Variants in GAREM1 observed in about 807,000 individuals in gnomAD.
GAREM1 encodes the protein GRB2-associated and regulator of MAPK protein 1.
In GAREM1, 26 loss-of-function variants were observed where a neutral mutation model predicts 71.3. The ratio of observed to expected loss-of-function variants is 0.36; its 90% CI spans 0.27 to 0.51. The LOEUF (loss-of-function observed/expected upper bound fraction) is 0.51. GAREM1 is among the 20% of genes least tolerant of loss of function. The probability of loss-of-function intolerance (pLI) is 0.95; values close to 1 mark genes in which losing one functional copy is unlikely to be tolerated. For missense variants in GAREM1, 1,026 were observed against 1,103.1 expected, an observed-to-expected ratio of 0.93 and a Z score of 0.99; for synonymous variants, 440 against 433.2, an observed-to-expected ratio of 1.02 and a Z score of -0.20.
At chr18:32,334,476 A>G (rs2047569095) in intron 2 of GAREM1, among the ~76,000 whole-genome samples, 1 of 152,212 alleles carries the variant, frequency 6.6e-6, no homozygotes, top group Admixed American at 6.5e-5. Flanking sequence ...GACAAGCGAA[A>G]GCCAGGAGGG....
chr18:32,411,788 G>A (rs1186951022), intron 1 of GAREM1, among the ~76,000 whole-genome samples: 1 of 151,724 alleles, frequency 6.6e-6, no homozygotes, highest in African/African-American at 2.4e-5. Context: ...AATAGAACCT[G>A]GCATCACCCT....
At chr18:32,403,637 C>A (rs1177713396) in intron 1 of GAREM1, among the ~76,000 whole-genome samples, 4 of 151,948 alleles carry the variant, frequency 2.6e-5, no homozygotes, top group African/African-American at 9.7e-5. Flanking sequence ...GTGCAGTGGT[C>A]CAATCACAAC....
intron 1 of GAREM1, among the ~76,000 whole-genome samples, chr18:32,429,410 C>T (rs1190681553): frequency 6.6e-6 from 1 of 152,192 alleles, no homozygotes; most frequent in Non-Finnish European, 1.5e-5. Flanking sequence ...ACAACTTCAG[C>T]ATTCTGGGTA....
At chr18:32,456,378 G>A (rs1031674289) in intron 1 of GAREM1, among the ~76,000 whole-genome samples, 9 of 152,016 alleles carry the variant, frequency 5.9e-5, no homozygotes, top group Non-Finnish European at 1.0e-4. Context: ...GCAAATTAAC[G>A]CAGCAATAAG....
At chr18:32,417,959 G>A (rs1453450182) in intron 1 of GAREM1, among the ~76,000 whole-genome samples, 1 of 152,064 alleles carries the variant, frequency 6.6e-6, no homozygotes, top group Non-Finnish European at 1.5e-5. Context: ...CTGCATGCCT[G>A]TACCAAAATA....
chr18:32,470,455 T>C lies in GAREM1; in HGVS notation c.-27A>G, dbSNP rs887611122. On this transcript the variant is annotated 5_prime_UTR_variant, in exon 1 of 6. Transcript: ENST00000269209. The surrounding 1 kb of genome is among the most constrained non-coding windows in gnomAD (Gnocchi z 4.4). Reference sequence around the variant, plus strand: ...TTCCCCGAAGCCTCCTGTCCCGCGCTCCCCCGCCGCCGCCACCGGCACCAC... The same window carrying C: ...TTCCCCGAAGCCTCCTGTCCCGCGCCCCCCCGCCGCCGCCACCGGCACCAC... 1 of 1,305,052 alleles carries C rather than the reference T, an allele frequency of 7.7e-7. No homozygotes were observed. The allele number at this position is 1,305,052 out of a possible 1,614,324, so 80.8% of individuals were successfully genotyped here. A position where few individuals can be genotyped will look rare whatever the true frequency, so the allele number is the denominator to read the frequency against.
intron 1 of GAREM1, among the ~76,000 whole-genome samples, chr18:32,431,583 A>G (rs1393773280): frequency 1.3e-5 from 2 of 152,136 alleles, no homozygotes; most frequent in Non-Finnish European, 2.9e-5. Flanking sequence ...AGCCGAGATC[A>G]CGCCACTGCA....
intron 4 of GAREM1, among the ~76,000 whole-genome samples, chr18:32,276,413 A>G (rs144871436): frequency 1.3e-5 from 2 of 152,334 alleles, no homozygotes; most frequent in Non-Finnish European, 2.9e-5. Flanking sequence ...TCATTGAGTT[A>G]GTGTTGAGTA....
chr18:32,375,906 G>A (rs2048026172), intron 2 of GAREM1, among the ~76,000 whole-genome samples: 1 of 152,186 alleles, frequency 6.6e-6, no homozygotes, highest in South Asian at 2.1e-4. Flanking sequence ...AATCTCCACT[G>A]CTATAATCAC....
intron 3 of GAREM1, among the ~76,000 whole-genome samples, chr18:32,300,270 T>A (rs942744573): frequency 1.3e-5 from 2 of 152,206 alleles, no homozygotes; most frequent in Admixed American, 1.3e-4. Flanking sequence ...GGTCTCTCTG[T>A]CATTATTATA....
At chr18:32,372,421 C>T (rs999599110) in intron 2 of GAREM1, among the ~76,000 whole-genome samples, 3 of 152,212 alleles carry the variant, frequency 2.0e-5, no homozygotes, top group African/African-American at 7.2e-5. Flanking sequence ...GAAACAGACA[C>T]ACCCAATCCT....
chr18:32,358,327 A>G (rs1269867748), intron 2 of GAREM1, among the ~76,000 whole-genome samples: 1 of 151,950 alleles, frequency 6.6e-6, no homozygotes, highest in African/African-American at 2.4e-5. Flanking sequence ...GACATAGCTC[A>G]TTACAGGAGG....
At chr18:32,356,358 A>AC (rs537042676) in intron 2 of GAREM1, among the ~76,000 whole-genome samples, 2 of 152,196 alleles carry the variant, frequency 1.3e-5, no homozygotes, top group South Asian at 4.1e-4. Context: ...GAAATTATTC[A>AC]CATTTTACTG....
intron 4 of GAREM1, among the ~76,000 whole-genome samples, chr18:32,271,731 G>A (rs530795192): frequency 3.3e-4 from 50 of 152,190 alleles, no homozygotes; most frequent in African/African-American, 1.1e-3. Context: ...CATTTCCTTC[G>A]TCTTCACACT....
At chr18:32,445,144 C>T (rs1044010900) in intron 1 of GAREM1, among the ~76,000 whole-genome samples, 1 of 152,112 alleles carries the variant, frequency 6.6e-6, no homozygotes, top group Admixed American at 6.6e-5. Flanking sequence ...AACCCCTGAC[C>T]TCATCATCTT....
intron 1 of GAREM1, among the ~76,000 whole-genome samples, chr18:32,418,270 G>A (rs1387515957): frequency 6.6e-6 from 1 of 152,072 alleles, no homozygotes; most frequent in African/African-American, 2.4e-5. Context: ...CTTTCTTCTT[G>A]CTATGCTTAC....
At chr18:32,391,328 C>A (rs1206147683) in intron 2 of GAREM1, among the ~76,000 whole-genome samples, 2 of 152,118 alleles carry the variant, frequency 1.3e-5, no homozygotes, top group African/African-American at 4.8e-5. Flanking sequence ...CCAGAACCAG[C>A]CTCTGGAAAG....
chr18:32,342,210 G>A (rs1258978629), intron 2 of GAREM1, among the ~76,000 whole-genome samples: 9 of 152,126 alleles, frequency 5.9e-5, no homozygotes, highest in Middle Eastern at 6.8e-3. Context: ...AAAATGAGGC[G>A]CAGAGGTTAA....
At chr18:32,393,191 T>C (rs1028346947) in intron 1 of GAREM1, among the ~76,000 whole-genome samples, 156 bp from the exon 2 acceptor site, 1 of 152,008 alleles carries the variant, frequency 6.6e-6, no homozygotes, top group Non-Finnish European at 1.5e-5. Flanking sequence ...TTTTTTTTTT[T>C]TTTTTAAAAA....
Sources: gnomAD v4.1 joint callset for allele counts (sites outside exome capture counted in the v4.1 genomes callset) on GRCh38, gnomAD v4.1.1 for gene constraint, Gnocchi (gnomAD v3.1) non-coding constraint, MANE v1.5 for transcripts, NCBI Gene and HGNC (gene_info 2026-07-23, HGNC 2026-07-21) for gene names.